Variants in DNAH12 observed in about 807,000 individuals in gnomAD.
DNAH12 encodes dynein axonemal heavy chain 12.
A neutral mutation model predicts 371.5 loss-of-function variants in DNAH12; 285 were observed. That is an observed-to-expected ratio of 0.77 (90% CI 0.70 to 0.85). The LOEUF (loss-of-function observed/expected upper bound fraction) is 0.85. Among genes scored for constraint, DNAH12 ranks in the 40% least tolerant of loss-of-function variants. The pLI, the probability that DNAH12 is intolerant of heterozygous loss-of-function variation, is 0.00. For missense variants in DNAH12, 3,611 were observed against 3,689.4 expected, an observed-to-expected ratio of 0.98 and a Z score of 0.55; for synonymous variants, 1,200 against 1,213.0, an observed-to-expected ratio of 0.99 and a Z score of 0.22.
chr3:57,527,644 T>G, intron 2 of DNAH12, among the ~76,000 whole-genome samples: 1 of 152,140 alleles, frequency 6.6e-6, no homozygotes, highest in South Asian at 2.1e-4. Flanking sequence ...ATGAGACATC[T>G]ACCCACATGA....
intron 13 of DNAH12, among the ~76,000 whole-genome samples, chr3:57,481,552 C>A (rs369841750): frequency 6.6e-6 from 1 of 151,986 alleles, no homozygotes; most frequent in African/African-American, 2.4e-5. Context: ...ACTTTCTTCA[C>A]AGAATTGGAA....
chr3:57,319,643 G>A (rs558677000), intron 65 of DNAH12, among the ~76,000 whole-genome samples: 6 of 152,030 alleles, frequency 3.9e-5, no homozygotes, highest in African/African-American at 7.2e-5. Context: ...GCAGTGGCAC[G>A]ATCTCAGCTC....
intron 4 of DNAH12, among the ~76,000 whole-genome samples, chr3:57,518,004 A>T (rs1312067590): frequency 6.6e-6 from 1 of 152,194 alleles, no homozygotes; most frequent in Non-Finnish European, 1.5e-5. Context: ...CAGTAAGCCA[A>T]GATCACTCCC....
intron 5 of DNAH12, among the ~76,000 whole-genome samples, chr3:57,509,741 A>G (rs1053458288): frequency 2.0e-5 from 3 of 151,868 alleles, no homozygotes; most frequent in Non-Finnish European, 4.4e-5. Context: ...AGGCGCCTGT[A>G]GTCCCAGCTA....
At chr3:57,324,573 A>G (rs1412392307) in intron 62 of DNAH12, among the ~76,000 whole-genome samples, 19 of 152,100 alleles carry the variant, frequency 1.2e-4, no homozygotes, top group African/African-American at 4.3e-4. Flanking sequence ...AAGAAAGAAA[A>G]AAGCCTGGGG....
At chr3:57,423,806 G>A (rs1422555589) in intron 35 of DNAH12, among the ~76,000 whole-genome samples, 1 of 152,086 alleles carries the variant, frequency 6.6e-6, no homozygotes, top group East Asian at 1.9e-4. Flanking sequence ...CTGGCTGGAT[G>A]CCTATTCCTG....
chr3:57,550,517 T>C, the DNAH12 span, among the ~76,000 whole-genome samples: 1 of 152,120 alleles, frequency 6.6e-6, no homozygotes, highest in Non-Finnish European at 1.5e-5. Flanking sequence ...CATTTATTTT[T>C]ATTTTTATTT....
In DNAH12 at chr3:57,296,868, A is replaced by G; in HGVS notation, c.11511T>C (p.Asp3837=). The change falls in exon 71 of 74, where the codon GAT becomes GAC. Residue 3837 remains aspartate (D), a synonymous_variant. Coordinates refer to ENST00000495027, the MANE Select transcript of DNAH12 (RefSeq NM_001366028.2). ...NYARKYTTPI[D]LLGYEFEVIP... ...ATACCTCAAATTCATATCCTAGCAA[A>G]TCAATAGGGGTGGTATATTTTCTGG... 1 of 1,551,596 alleles carries G rather than the reference A, an allele frequency of 6.4e-7. No homozygotes were observed. Among genetic ancestry groups the G allele is most frequent in the Non-Finnish European group, 8.7e-7 (1 of 1,146,976 alleles).
intron 2 of DNAH12, among the ~76,000 whole-genome samples, chr3:57,524,838 G>C (rs1269905254): frequency 1.3e-5 from 2 of 152,160 alleles, no homozygotes; most frequent in Non-Finnish European, 2.9e-5. Context: ...TCCACCCAAA[G>C]GTGACAGTGT....
At chr3:57,342,540 C>A (rs1363650382) in intron 60 of DNAH12, among the ~76,000 whole-genome samples, 1 of 138,930 alleles carries the variant, frequency 7.2e-6, no homozygotes, top group Non-Finnish European at 1.5e-5. Flanking sequence ...CACCTGTAAA[C>A]CCAGCTACTG....
chr3:57,522,524 C>T (rs1191806557), intron 4 of DNAH12, among the ~76,000 whole-genome samples: 3 of 152,074 alleles, frequency 2.0e-5, no homozygotes, highest in East Asian at 1.9e-4. Context: ...TCTCCAGAAA[C>T]GGGTGGCCAG....
rs1050199385 is a variant in DNAH12, at chr3:57,433,571, T to C, written c.4840-64A>G. 203 of 1,535,844 alleles carry C rather than the reference T, an allele frequency of 1.3e-4. No individual in the cohort carries two copies. The African/African-American group carries it at 2.5e-3, about 19-fold the overall frequency. On this transcript the variant is annotated intron_variant, in intron 31 of 73. Coordinates refer to ENST00000495027, the MANE Select transcript of DNAH12 (RefSeq NM_001366028.2). ...AAAATTAGATTTAGGAGTAAAACTA[T>C]GAAAATACTTCACGTTTCTTGTTTT...
chr3:57,352,228 A>G lies in DNAH12; in HGVS notation c.9534-3T>C, dbSNP rs376776723. The G allele has an allele frequency of 3.7e-5, 57 of 1,530,376 alleles. No individual in the cohort carries two copies. The highest frequency in any genetic ancestry group is 1.8e-4 in the Admixed American group (8 of 43,978). 94.8% of individuals were successfully genotyped at this position (1,530,376 alleles called of 1,614,324 possible). A position where few individuals can be genotyped will look rare whatever the true frequency, so the allele number is the denominator to read the frequency against. On this transcript the variant is annotated splice_region_variant and splice_polypyrimidine_tract_variant and intron_variant, in intron 59 of 73. Transcript: ENST00000495027. ...TTTCCAAAATCTTGGATTTGTTACT[A>G]AAGTTAAAAAGAAGGAAAACGTATT...
intron 60 of DNAH12, among the ~76,000 whole-genome samples, chr3:57,340,200 A>C (rs2062360012): frequency 6.6e-6 from 1 of 152,230 alleles, no homozygotes; most frequent in African/African-American, 2.4e-5. Context: ...TTATAGCAAT[A>C]AATGCCTACA....
At chr3:57,478,779 T>C (rs916815966) in intron 13 of DNAH12, among the ~76,000 whole-genome samples, 1 of 152,154 alleles carries the variant, frequency 6.6e-6, no homozygotes, top group African/African-American at 2.4e-5. Context: ...TCAACATTCT[T>C]ACAGAAAAGA....
intron 17 of DNAH12, 81 bp from the exon 18 acceptor site, chr3:57,462,956 T>C (rs757592984): frequency 1.1e-4 from 94 of 892,318 alleles, no homozygotes; most frequent in Non-Finnish European, 1.4e-4. Flanking sequence ...GCCTTGATGA[T>C]ATAAGGGTTA....
In DNAH12 at chr3:57,419,497, C is replaced by T; in HGVS notation, c.5584G>A (p.Val1862Ile). Residue 1862 changes from valine to isoleucine, a missense_variant, in exon 37 of 74, where the codon GTC becomes ATC. Val to Ile is a conservative substitution (Grantham distance 29, BLOSUM62 3). Transcript: ENST00000495027. ...MYELKNKGRWVHWNELIKNTN... is the reference protein window; with the variant it reads ...MYELKNKGRWIHWNELIKNTN... ...TTTTTAATTAATTCATTCCAATGGA[C>T]CCAGCGACCTTTGTTTTTCAACTAC... The T allele has an allele frequency of 5.5e-6, 8 of 1,444,676 alleles. No individual in the cohort carries two copies. The highest frequency in any genetic ancestry group is 7.3e-6 in the Non-Finnish European group (8 of 1,100,160). 89.5% of individuals were successfully genotyped at this position (1,444,676 alleles called of 1,614,324 possible).
At chr3:57,342,418 A>G (rs1417206363) in intron 60 of DNAH12, among the ~76,000 whole-genome samples, 1 of 147,528 alleles carries the variant, frequency 6.8e-6, no homozygotes, top group Non-Finnish European at 1.5e-5. Context: ...AGGCAGGTGG[A>G]TCATGAGGTC....
At position 57,397,526 on chromosome 3, in the gene DNAH12, G is replaced by T. The variant is rs941860370; in HGVS notation, c.6949-3194C>A. On this transcript the variant is annotated intron_variant, in intron 43 of 73. Transcript: ENST00000495027. ...GCTAACAGGAACAATGGCCAATTTTGGACACCAGGTTGGAGGCCACTGAAA... is the reference window on the plus strand; with the variant it reads ...GCTAACAGGAACAATGGCCAATTTTTGACACCAGGTTGGAGGCCACTGAAA... Among the ~76,000 whole-genome samples, 4 of 152,136 alleles carry T rather than the reference G, an allele frequency of 2.6e-5. No individual in the cohort carries two copies. The East Asian group carries it at 5.8e-4, about 22-fold the overall frequency.
Sources: allele counts gnomAD v4.1 joint callset (sites outside exome capture counted in the v4.1 genomes callset), GRCh38; gene constraint gnomAD v4.1.1; transcripts MANE v1.5; gene names NCBI Gene and HGNC (gene_info 2026-07-23, HGNC 2026-07-21).